The following KCNMA1 variants were observed in gnomAD, a reference collection of about 807,000 sequenced individuals.
The protein encoded by KCNMA1 is potassium calcium-activated channel subfamily M alpha 1.
KCNMA1 carries 29 observed loss-of-function variants against 140.0 expected under a neutral mutation model. The ratio of observed to expected loss-of-function variants is 0.21; its 90% CI spans 0.15 to 0.28. The LOEUF is 0.28. KCNMA1 is among the 10% of genes least tolerant of loss of function. The probability of loss-of-function intolerance (pLI) is 1.00; values close to 1 mark genes in which losing one functional copy is unlikely to be tolerated. For synonymous variants in KCNMA1, 612 were observed against 611.9 expected (o/e 1.00, Z 0.00); for missense variants, 880 against 1,602.2 (o/e 0.55, Z 7.70).
At chr10:77,270,032 G>A (rs771785334) in intron 2 of KCNMA1, among the ~76,000 whole-genome samples, 2 of 152,132 alleles carry the variant, frequency 1.3e-5, no homozygotes, top group Non-Finnish European at 2.9e-5. Flanking sequence ...GGCTCTGTGG[G>A]GTCCCTCAAG....
intron 1 of KCNMA1, among the ~76,000 whole-genome samples, chr10:77,486,008 G>GTA (rs1555381471): frequency 3.3e-5 from 5 of 152,066 alleles, no homozygotes; most frequent in Non-Finnish European, 7.4e-5. Context: ...CTGCTGTAAG[G>GTA]TATCCTAGGA....
chr10:77,548,843 C>T (rs2062038514), intron 1 of KCNMA1, among the ~76,000 whole-genome samples: 1 of 152,236 alleles, frequency 6.6e-6, no homozygotes, highest in South Asian at 2.1e-4. Context: ...TACTATGAGT[C>T]AGACATTATG....
At chr10:77,007,651 G>GTGTGTGTA (rs1555100531) in intron 18 of KCNMA1, among the ~76,000 whole-genome samples, 1 of 8,398 alleles carries the variant, frequency 1.2e-4, no homozygotes, top group African/African-American at 6.1e-4. Flanking sequence ...TATTGTGTGT[G>GTGTGTGTA]TGTATATATA....
At chr10:77,303,324 T>C (rs1363149000) in intron 2 of KCNMA1, among the ~76,000 whole-genome samples, 2 of 152,106 alleles carry the variant, frequency 1.3e-5, no homozygotes, top group Non-Finnish European at 2.9e-5. Context: ...GTCCACTCAC[T>C]TATGCATTAT....
intron 25 of KCNMA1, among the ~76,000 whole-genome samples, chr10:76,899,121 T>C (rs2043923779): frequency 6.6e-6 from 1 of 152,104 alleles, no homozygotes; most frequent in South Asian, 2.1e-4. Context: ...AAAGTAGTAA[T>C]CATCTATGAA....
intron 5 of KCNMA1, among the ~76,000 whole-genome samples, chr10:77,152,623 C>T (rs2098436989): frequency 6.6e-6 from 1 of 152,138 alleles, no homozygotes; most frequent in Non-Finnish European, 1.5e-5. Flanking sequence ...ATTGATCCAA[C>T]ACCTCCTGTT....
chr10:77,183,570 A>G (rs767910895), intron 4 of KCNMA1, 38 bp from the exon 5 acceptor site: 2 of 1,402,594 alleles, frequency 1.4e-6, no homozygotes, highest in South Asian at 2.4e-5. Context: ...AAAAAACATG[A>G]GAAGCATGGT....
intron 1 of KCNMA1, among the ~76,000 whole-genome samples, chr10:77,417,174 C>T (rs1017852778): frequency 3.5e-4 from 53 of 152,322 alleles, no homozygotes; most frequent in African/African-American, 1.2e-3. Flanking sequence ...GGCTAGATCT[C>T]CCCAAAGCTC....
intron 1 of KCNMA1, among the ~76,000 whole-genome samples, chr10:77,446,355 T>C (rs929723065): frequency 3.3e-5 from 5 of 152,206 alleles, no homozygotes; most frequent in African/African-American, 4.8e-5. Flanking sequence ...CAAATATGGG[T>C]TGCCTAGCTG....
In KCNMA1 at chr10:77,251,691, C is replaced by A. The variant is rs554266428; in HGVS notation, c.541-435G>T. 9.9e-5 allele frequency among the ~76,000 whole-genome samples: 15 copies of A among 152,236 alleles called. 1 individual carries two copies. Among genetic ancestry groups the A allele is most frequent in the African/African-American group, 3.6e-4 (15 of 41,544 alleles). ...GCTTCATTGAGGCATAATTTACATA[C>A]CACAATATTCACCCATTTAAAAAGT... On this transcript the variant is annotated intron_variant, in intron 2 of 27. Coordinates refer to ENST00000286628, the MANE Select transcript of KCNMA1 (RefSeq NM_001161352.2).
intron 1 of KCNMA1, among the ~76,000 whole-genome samples, chr10:77,630,737 T>G (rs1004883815): frequency 2.6e-5 from 4 of 152,028 alleles, no homozygotes; most frequent in Non-Finnish European, 5.9e-5. Flanking sequence ...CAGACCAGCA[T>G]AATCTCAGGT....
intron 5 of KCNMA1, among the ~76,000 whole-genome samples, chr10:77,137,383 G>A (rs2098066706): frequency 6.6e-6 from 1 of 152,186 alleles, no homozygotes; most frequent in African/African-American, 2.4e-5. Flanking sequence ...AAATCCTGAA[G>A]AGCAATTATT....
At chr10:77,199,679 C>T (rs2041834810) in intron 3 of KCNMA1, among the ~76,000 whole-genome samples, 1 of 152,030 alleles carries the variant, frequency 6.6e-6, no homozygotes, top group Admixed American at 6.6e-5. Flanking sequence ...TTGCAGTAGG[C>T]CTTGAGTGAG....
intron 2 of KCNMA1, among the ~76,000 whole-genome samples, chr10:77,334,997 T>C (rs1227318876): frequency 6.6e-6 from 1 of 152,212 alleles, no homozygotes; most frequent in African/African-American, 2.4e-5. Flanking sequence ...CAGCCATATG[T>C]GGCTACTGGC....
intron 5 of KCNMA1, among the ~76,000 whole-genome samples, chr10:77,177,310 CTTTCCTTCCTTTTAT>C (rs1189926758): frequency 6.8e-6 from 1 of 146,024 alleles, no homozygotes; most frequent in Non-Finnish European, 1.5e-5. Context: ...TCTTTCTTTT[CTTTCCTTCCTTTTAT>C]TTTCCTTCCT....
chr10:77,148,191 G>A (rs1005967431), intron 5 of KCNMA1: 3 of 152,154 alleles, frequency 2.0e-5, no homozygotes, highest in African/African-American at 7.2e-5. Flanking sequence ...TGGCAAGAGA[G>A]AAACAACTAG....
intron 1 of KCNMA1, among the ~76,000 whole-genome samples, chr10:77,632,487 C>T (rs777132630): frequency 1.2e-4 from 18 of 152,152 alleles, no homozygotes; most frequent in Non-Finnish European, 2.2e-4. Context: ...CCCATACTGT[C>T]GATGTTCGTC....
intron 3 of KCNMA1, among the ~76,000 whole-genome samples, chr10:77,248,365 G>C (rs1478753431): frequency 6.6e-6 from 1 of 152,116 alleles, no homozygotes; most frequent in Non-Finnish European, 1.5e-5. Flanking sequence ...ATTCTGGAGG[G>C]GAGGGGCAGC....
intron 2 of KCNMA1, among the ~76,000 whole-genome samples, chr10:77,334,419 C>T (rs1248905398): frequency 6.6e-6 from 1 of 152,170 alleles, no homozygotes; most frequent in Non-Finnish European, 1.5e-5. Flanking sequence ...AAAAATGTAA[C>T]CATTCCACCT....
Sources: gnomAD v4.1 joint callset for allele counts (sites outside exome capture counted in the v4.1 genomes callset) on GRCh38, gnomAD v4.1.1 for gene constraint, MANE v1.5 for transcripts, NCBI Gene and HGNC (gene_info 2026-07-23, HGNC 2026-07-21) for gene names.